NEXN: variants seen among roughly 807,000 people sequenced by gnomAD.
The protein encoded by NEXN is nexilin.
In NEXN, 65 loss-of-function variants were observed where a neutral mutation model predicts 92.6. That is an observed-to-expected ratio of 0.70 (90% CI 0.57 to 0.86). The LOEUF is 0.86. Among genes scored for constraint, NEXN ranks in the 40% least tolerant of loss-of-function variants. The pLI is 0.00. For synonymous variants in NEXN, 254 were observed against 242.5 expected, an observed-to-expected ratio of 1.05 and a Z score of -0.44; for missense variants, 778 against 771.1, an observed-to-expected ratio of 1.01 and a Z score of -0.11.
intron 1 of NEXN, among the ~76,000 whole-genome samples, chr1:77,896,736 G>A (rs1647276525): frequency 1.3e-5 from 2 of 151,802 alleles, no homozygotes; most frequent in African/African-American, 2.4e-5. Context: ...TCCAGCCTGG[G>A]TGACAGAGCA....
chr1:77,920,276 TTAATG>T (rs1160481717), intron 5 of NEXN, among the ~76,000 whole-genome samples: 1 of 152,178 alleles, frequency 6.6e-6, no homozygotes, highest in Non-Finnish European at 1.5e-5. Flanking sequence ...CCAATATAAT[TTAATG>T]TATCTTTGAA....
rs1651534818 is a variant in NEXN at position 77,943,058 on chromosome 1, G to A, written c.*229G>A. The A allele has an allele frequency of 1.1e-5, 6 of 543,694 alleles. No individual in the cohort carries two copies. The East Asian group carries it at 2.4e-4, about 21-fold the overall frequency. 33.7% of individuals were successfully genotyped at this position (543,694 alleles called of 1,614,324 possible). ...TTTTCATAACAGTCTTCAAAGCACAGCTCATCTAAAGAATGCCTACTTCTT... is the reference window on the plus strand; with the variant it reads ...TTTTCATAACAGTCTTCAAAGCACAACTCATCTAAAGAATGCCTACTTCTT... On this transcript the variant is annotated 3_prime_UTR_variant, in exon 13 of 13. Transcript: ENST00000334785.
At position 77,926,623 on chromosome 1, in the gene NEXN, T is replaced by C; in HGVS notation, c.687+12T>C. 1.9e-6 allele frequency: 3 copies of C among 1,613,816 alleles called. No individual in the cohort carries two copies. Among genetic ancestry groups the C allele is most frequent in the Non-Finnish European group, 2.5e-6 (3 of 1,179,928 alleles). ...TTTCATTAGTTATGGTAAATTTTTGTTTGTTTGTTTTCTAAGAAACAAATC... is the reference window on the plus strand; with the variant it reads ...TTTCATTAGTTATGGTAAATTTTTGCTTGTTTGTTTTCTAAGAAACAAATC... On this transcript the variant is annotated intron_variant, in intron 7 of 12. Coordinates refer to ENST00000334785, the MANE Select transcript of NEXN (RefSeq NM_144573.4).
At chr1:77,929,642 T>A (rs1433682143) in intron 9 of NEXN, 138 bp downstream of exon 9, 1 of 1,173,180 alleles carries the variant, frequency 8.5e-7, no homozygotes, top group Non-Finnish European at 1.2e-6. Flanking sequence ...TGTTTTAAAG[T>A]CTCCCATGGA....
chr1:77,897,162 G>A (rs554887253), intron 1 of NEXN, among the ~76,000 whole-genome samples: 1,905 of 152,262 alleles, frequency 0.013, 41 homozygotes, highest in African/African-American at 0.044. Context: ...CATTTTATGA[G>A]GCCAGCATCA....
rs397517853 is a variant in NEXN, at chr1:77,942,745, TGGA to T, written c.1949_1951del (p.Gly650del). 168 of 1,613,646 alleles carry T rather than the reference TGGA, an allele frequency of 1.0e-4. No homozygotes were observed. Among genetic ancestry groups the T allele is most frequent in the Non-Finnish European group, 1.4e-4 (162 of 1,179,750 alleles). Reference sequence around the variant, plus strand: ...ACTTACCAGAAACTTTCCCAGAAGATGGAGGAGAGTATATGTGTAAAGCAGTCA... The same window carrying T: ...ACTTACCAGAAACTTTCCCAGAAGATGGAGAGTATATGTGTAAAGCAGTCA... On this transcript the variant is annotated inframe_deletion, in exon 13 of 13. Coordinates refer to ENST00000334785, the MANE Select transcript of NEXN (RefSeq NM_144573.4).
chr1:77,898,890 A>G (rs1206312012), intron 1 of NEXN, among the ~76,000 whole-genome samples: 3 of 152,228 alleles, frequency 2.0e-5, no homozygotes, highest in Admixed American at 6.5e-5. Context: ...TTATGCAGCC[A>G]AAAAACACAT....
At position 77,942,304 on chromosome 1, in the gene NEXN, C is replaced by A. The variant is rs1452627231; in HGVS notation, c.1659+96C>A. 5 of 1,435,762 alleles carry A rather than the reference C, an allele frequency of 3.5e-6. No individual in the cohort carries two copies. In the South Asian group the frequency reaches 5.8e-5, roughly 17 times the overall value. The allele number at this position is 1,435,762 out of a possible 1,614,324, so 88.9% of individuals were successfully genotyped here. On this transcript the variant is annotated intron_variant, in intron 12 of 12. Transcript: ENST00000334785. ...GTTAAAAAAATGTTTTAATGGTTTTCTTTCAAGTCACTGGAATGTACTGTT... is the reference window on the plus strand; with the variant it reads ...GTTAAAAAAATGTTTTAATGGTTTTATTTCAAGTCACTGGAATGTACTGTT...
chr1:77,932,216 G>A (rs557869408), intron 9 of NEXN, among the ~76,000 whole-genome samples: 4 of 152,290 alleles, frequency 2.6e-5, no homozygotes, highest in African/African-American at 9.6e-5. Context: ...ATGAGCCACT[G>A]TGCCCGGCCT....
chr1:77,932,613 G>A (rs576296998), intron 9 of NEXN, among the ~76,000 whole-genome samples: 8 of 152,064 alleles, frequency 5.3e-5, no homozygotes, highest in African/African-American at 1.7e-4. Context: ...CTGGGGAGTC[G>A]TTTCAATCCA....
intron 1 of NEXN, among the ~76,000 whole-genome samples, chr1:77,906,101 T>C (rs978670182): frequency 2.6e-5 from 4 of 151,726 alleles, no homozygotes; most frequent in South Asian, 2.1e-4. Flanking sequence ...TCAAAGGACA[T>C]AGAGAAGGAA....
chr1:77,940,130 C>G (rs1007852869), intron 11 of NEXN, among the ~76,000 whole-genome samples: 1 of 152,162 alleles, frequency 6.6e-6, no homozygotes, highest in Non-Finnish European at 1.5e-5. Flanking sequence ...ATTTACATAA[C>G]CTTACCTAAT....
intron 5 of NEXN, among the ~76,000 whole-genome samples, chr1:77,922,999 G>T (rs1333341776): frequency 1.4e-5 from 2 of 147,332 alleles, no homozygotes; most frequent in Non-Finnish European, 3.0e-5. Flanking sequence ...AAGAAATTGG[G>T]TGTCTTTTTT....
chr1:77,917,074 A>T (rs1473232728), intron 2 of NEXN, among the ~76,000 whole-genome samples: 1 of 152,226 alleles, frequency 6.6e-6, no homozygotes, highest in East Asian at 1.9e-4. Context: ...TTTTGCTTAT[A>T]TTGGATATAG....
intron 1 of NEXN, among the ~76,000 whole-genome samples, chr1:77,902,997 G>T (rs1210996336): frequency 6.6e-6 from 1 of 152,140 alleles, no homozygotes; most frequent in Non-Finnish European, 1.5e-5. Flanking sequence ...TTGAAAAAAT[G>T]GAGAGAAGAC....
intron 11 of NEXN, among the ~76,000 whole-genome samples, chr1:77,940,855 A>G (rs972840915): frequency 6.6e-6 from 1 of 152,226 alleles, no homozygotes; most frequent in Non-Finnish European, 1.5e-5. Flanking sequence ...ATAGTCAGGC[A>G]TTATATTTAT....
At chr1:77,891,176 TACCC>T (rs1647097959) in intron 1 of NEXN, among the ~76,000 whole-genome samples, 1 of 152,210 alleles carries the variant, frequency 6.6e-6, no homozygotes, top group Non-Finnish European at 1.5e-5. Flanking sequence ...GGTGGATTTG[TACCC>T]AGAAATCCAC....
At position 77,935,925 on chromosome 1, in the gene NEXN, T is replaced by G; in HGVS notation, c.1354T>G (p.Phe452Val). The G allele has an allele frequency of 6.2e-7, 1 of 1,613,768 alleles. No individual in the cohort carries two copies. The highest frequency in any genetic ancestry group is 1.1e-5 in the South Asian group (1 of 91,008). ...TCAAGCTAAAAACCTAAAAAGCAAG[T>G]TTGAAAAAATTGGACAGTTGTCTGA... ...SIQAKNLKSK[F>V]EKIGQLSEKE... Residue 452 changes from phenylalanine (F) to valine (V), a missense_variant, in exon 11 of 13, where the codon TTT becomes GTT. Physicochemically the swap from Phe to Val is conservative, Grantham distance 50 (BLOSUM62 -1). Coordinates refer to ENST00000334785, the MANE Select transcript of NEXN (RefSeq NM_144573.4).
In NEXN at chr1:77,933,260, A is replaced by G. The variant is rs749989609; in HGVS notation, c.1054-22A>G. 2.1e-6 allele frequency: 3 copies of G among 1,403,126 alleles called. No homozygotes were observed. The Admixed American group carries it at 5.2e-5, about 24-fold the overall frequency. The allele number at this position is 1,403,126 out of a possible 1,614,324, so 86.9% of individuals were successfully genotyped here. ...AGTATGTGTAATTCTGGCCAGAGTG[A>G]TAAAATAATTATTTTAAATAGGTAG... On this transcript the variant is annotated intron_variant, in intron 9 of 12. Transcript: ENST00000334785.
Sources: gnomAD v4.1 joint callset for allele counts (sites outside exome capture counted in the v4.1 genomes callset) on GRCh38, gnomAD v4.1.1 for gene constraint, MANE v1.5 for transcripts, NCBI Gene and HGNC (gene_info 2026-07-23, HGNC 2026-07-21) for gene names.